DCHS2: variants seen among roughly 807,000 people sequenced by gnomAD.
DCHS2 encodes dachsous cadherin-related 2, also known as protocadherin-23.
A neutral mutation model predicts 182.4 loss-of-function variants in DCHS2; 142 were observed. The observed-to-expected ratio is 0.78, with a 90% CI of 0.68 to 0.89. DCHS2 has a LOEUF of 0.89. Ranked by LOEUF, DCHS2 falls within the 40% of genes least tolerant of loss-of-function variation. The pLI, the probability that DCHS2 is intolerant of heterozygous loss-of-function variation, is 0.00. For synonymous variants in DCHS2, 1,740 were observed against 1,663.3 expected (o/e 1.05, Z -1.12); for missense variants, 4,319 against 4,198.6 (o/e 1.03, Z -0.79).
chr4:154,401,855 A>G (rs531373414), intron 1 of DCHS2, among the ~76,000 whole-genome samples: 120 of 152,206 alleles, frequency 7.9e-4, no homozygotes, highest in Non-Finnish European at 1.3e-3. Context: ...TTATTCTGGC[A>G]TGGTGGTGCG....
At chr4:154,266,946 ACTT>A (rs1340569015) in intron 14 of DCHS2, among the ~76,000 whole-genome samples, 1 of 152,086 alleles carries the variant, frequency 6.6e-6, no homozygotes, top group Non-Finnish European at 1.5e-5. Flanking sequence ...ATGTTCTTCT[ACTT>A]CTTCATCAAG....
intron 1 of DCHS2, among the ~76,000 whole-genome samples, chr4:154,471,039 GTGGA>G (rs1560778169): frequency 6.6e-6 from 1 of 152,182 alleles, no homozygotes; most frequent in South Asian, 2.1e-4. Flanking sequence ...GCCCTTCACG[GTGGA>G]TGAAGAGAAG....
intron 1 of DCHS2, among the ~76,000 whole-genome samples, chr4:154,400,789 T>A (rs1732139435): frequency 6.6e-6 from 1 of 152,160 alleles, no homozygotes; most frequent in Non-Finnish European, 1.5e-5. Flanking sequence ...CATTCGCTCT[T>A]TTTTTACCCT....
chr4:154,335,741 C>T (rs1728771672), intron 3 of DCHS2, among the ~76,000 whole-genome samples: 1 of 152,236 alleles, frequency 6.6e-6, no homozygotes, highest in African/African-American at 2.4e-5. Flanking sequence ...CATGTATTTG[C>T]CAACCAAAGA....
chr4:154,373,816 G>T, intron 2 of DCHS2: 1 of 864,772 alleles, frequency 1.2e-6, no homozygotes, highest in Non-Finnish European at 1.9e-6. Context: ...GATGGAGAAG[G>T]TGTGCAAGCA....
chr4:154,338,333 A>G, intron 3 of DCHS2, among the ~76,000 whole-genome samples: 1 of 152,236 alleles, frequency 6.6e-6, no homozygotes, highest in East Asian at 1.9e-4. Context: ...AAAATGGAAA[A>G]TAACTGAAAG....
chr4:154,238,236 G>A (rs757538614), intron 19 of DCHS2, among the ~76,000 whole-genome samples: 8 of 152,100 alleles, frequency 5.3e-5, no homozygotes, highest in Non-Finnish European at 1.0e-4. Context: ...TGCAGTAATC[G>A]TTCATCCACA....
chr4:154,242,103 C>G (rs1307015022), intron 17 of DCHS2, among the ~76,000 whole-genome samples: 3 of 152,136 alleles, frequency 2.0e-5, no homozygotes, highest in Non-Finnish European at 4.4e-5. Context: ...CATTGTATAA[C>G]CCACAGACCC....
chr4:154,473,426 C>A (rs1735556260), intron 1 of DCHS2, among the ~76,000 whole-genome samples: 1 of 152,184 alleles, frequency 6.6e-6, no homozygotes, highest in Admixed American at 6.5e-5. Context: ...ATAATGGACT[C>A]TGATCATTAA....
At chr4:154,346,950 C>A (rs1006587902) in intron 3 of DCHS2, among the ~76,000 whole-genome samples, 1 of 151,648 alleles carries the variant, frequency 6.6e-6, no homozygotes, top group African/African-American at 2.4e-5. Flanking sequence ...ATGTATCTAA[C>A]TCTTGTGAAC....
At position 154,374,228 on chromosome 4, in the gene DCHS2, T is replaced by C. The variant is rs887402760; in HGVS notation, c.2244+3025A>G. On this transcript the variant is annotated intron_variant, in intron 2 of 19. Transcript: ENST00000357232. ...TACGACTACAAGGATCTCTGTGTCC[T>C]GCATCTGGCCACCAAAACCTGGAAA... 9.6e-5 allele frequency: 39 copies of C among 406,320 alleles called. No individual in the cohort carries two copies. In the Middle Eastern group the frequency reaches 2.8e-3, roughly 29 times the overall value. The allele number at this position is 406,320 out of a possible 1,614,324, so 25.2% of individuals were successfully genotyped here. A position where few individuals can be genotyped will look rare whatever the true frequency, so the allele number is the denominator to read the frequency against.
Position 154,298,722 on chromosome 4 carries a change from C to T in DCHS2, c.5606-14G>A, listed in dbSNP as rs1735075616. 6.5e-7 allele frequency: 1 copy of T among 1,537,706 alleles called. No homozygotes were observed. Among genetic ancestry groups the T allele is most frequent in the East Asian group, 2.3e-5 (1 of 44,140 alleles). ...CAGTATTTCCATCTATTAAAGAAAA[C>T]AATTACAAATTCATTTGAATTGAAA... On this transcript the variant is annotated splice_polypyrimidine_tract_variant and intron_variant, in intron 12 of 19. Coordinates refer to ENST00000357232, the MANE Select transcript of DCHS2 (RefSeq NM_001358235.2).
chr4:154,235,489 T>G lies in DCHS2; in HGVS notation c.9163A>C (p.Thr3055Pro), dbSNP rs1466569455. ...ACCACCTCGTTACTGCAGTCGTCAGTTTTCTGGAAGGCTTTGAGCACACTG... is the reference window on the plus strand; with the variant it reads ...ACCACCTCGTTACTGCAGTCGTCAGGTTTCTGGAAGGCTTTGAGCACACTG... The part of the protein sequence containing the change: ...DASVLKAFQK[T>P]DDCSNEVVPV... The change falls in exon 20 of 20, where the codon ACT (threonine) becomes CCT (proline). Residue 3055 changes from threonine (T) to proline (P), a missense_variant. Physicochemically the swap from Thr to Pro is conservative, Grantham distance 38. Transcript: ENST00000357232. 1 of 1,614,074 alleles carries G rather than the reference T, an allele frequency of 6.2e-7. No individual in the cohort carries two copies. Among genetic ancestry groups the G allele is most frequent in the Non-Finnish European group, 8.5e-7 (1 of 1,179,962 alleles).
At chr4:154,292,231 A>G (rs76070383) in intron 13 of DCHS2, among the ~76,000 whole-genome samples, 2,106 of 152,264 alleles carry the variant, frequency 0.014, 55 homozygotes, top group African/African-American at 0.048. Flanking sequence ...AAACATAACA[A>G]AATAATCCTC....
chr4:154,323,922 G>A (rs1736180600), intron 7 of DCHS2, among the ~76,000 whole-genome samples: 1 of 151,274 alleles, frequency 6.6e-6, no homozygotes, highest in Non-Finnish European at 1.5e-5. Flanking sequence ...AAGCATTTTA[G>A]ATTAAGGATA....
At chr4:154,488,698 T>C (rs983216392) in intron 1 of DCHS2, among the ~76,000 whole-genome samples, 1 of 151,612 alleles carries the variant, frequency 6.6e-6, no homozygotes, top group Admixed American at 6.6e-5. Context: ...AGGTCAGGAG[T>C]TCGAGACCAG....
intron 1 of DCHS2, 35 bp downstream of exon 1, chr4:154,489,269 G>C: frequency 6.9e-7 from 1 of 1,449,696 alleles, no homozygotes; most frequent in African/African-American, 1.4e-5. Flanking sequence ...CCCTTCCCAA[G>C]CCTTCAGGTT....
At chr4:154,415,661 C>T (rs1732801248) in intron 1 of DCHS2, among the ~76,000 whole-genome samples, 1 of 152,124 alleles carries the variant, frequency 6.6e-6, no homozygotes, top group African/African-American at 2.4e-5. Flanking sequence ...AGACCTAAAG[C>T]TACGGTATCT....
intron 2 of DCHS2, among the ~76,000 whole-genome samples, chr4:154,375,708 A>C (rs1730858585): frequency 6.6e-6 from 1 of 152,174 alleles, no homozygotes; most frequent in South Asian, 2.1e-4. Context: ...TAGCAAATGA[A>C]ATTTTCATAC....
Sources: gnomAD v4.1 joint callset for allele counts (sites outside exome capture counted in the v4.1 genomes callset) on GRCh38, gnomAD v4.1.1 for gene constraint, MANE v1.5 for transcripts, NCBI Gene and HGNC (gene_info 2026-07-23, HGNC 2026-07-21) for gene names.